Variants in NGDN observed in about 807,000 individuals in gnomAD.
NGDN encodes the protein neuroguidin, also known as EIF4E-binding protein.
A neutral mutation model predicts 45.2 loss-of-function variants in NGDN; 41 were observed. That is an observed-to-expected ratio of 0.91 (90% CI 0.71 to 1.18). The LOEUF (loss-of-function observed/expected upper bound fraction) is 1.18, where lower values mean the gene tolerates loss of function less well. Ranked by LOEUF, NGDN falls within the 50% of genes most tolerant of loss-of-function variation. The pLI is 0.00. For missense variants in NGDN, 402 were observed against 399.9 expected, an observed-to-expected ratio of 1.01 and a Z score of -0.05; for synonymous variants, 137 against 130.9, an observed-to-expected ratio of 1.05 and a Z score of -0.32.
chr14:23,475,954 T>A, intron 6 of NGDN, 75 bp from the exon 7 acceptor site: 2 of 1,577,660 alleles, frequency 1.3e-6, no homozygotes, highest in Non-Finnish European at 1.7e-6. Context: ...CACCCCAGGG[T>A]ACTCCAGCTT....
chr14:23,473,990 A>G (rs1167604331), intron 3 of NGDN, among the ~76,000 whole-genome samples: 1 of 149,892 alleles, frequency 6.7e-6, no homozygotes, highest in East Asian at 2.0e-4. Flanking sequence ...GTGAGCCGAG[A>G]CAGTGCCACT....
At chr14:23,477,102 C>T in intron 8 of NGDN, 98 bp from the exon 9 acceptor site, 1 of 1,149,774 alleles carries the variant, frequency 8.7e-7, no homozygotes, top group Non-Finnish European at 1.3e-6. Flanking sequence ...TTGAGAACTC[C>T]CTGAACAAGA....
chr14:23,475,578 C>G lies in NGDN; in HGVS notation c.303C>G (p.Pro101=), dbSNP rs1893879446. Residue 101 remains proline, a synonymous_variant, in exon 5 of 11, where the codon CCC becomes CCG. Transcript: ENST00000408901. ...EIRTVLEKLR[P]LDQKLKYQID... is the part of the protein sequence containing the mutation. ...TGTAGGTTTTGGAAAAGCTTCGTCC[C>G]TTGGACCAAAAGCTGAAGTATCAAA... is the stretch of plus-strand genomic sequence containing the variant. The G allele has an allele frequency of 6.2e-7, 1 of 1,614,094 alleles. No homozygotes were observed. Among genetic ancestry groups the G allele is most frequent in the East Asian group, 2.2e-5 (1 of 44,884 alleles).
In NGDN at chr14:23,477,314, T is replaced by C. The variant is rs769458305; in HGVS notation, c.828T>C (p.Ser276=). 88 of 1,614,092 alleles carry C rather than the reference T, an allele frequency of 5.5e-5. No homozygotes were observed. In the Admixed American group the frequency reaches 1.5e-3, roughly 27 times the overall value. ...SSQLHSLTHF[S]DISALTGGTV... The stretch of plus-strand genomic sequence containing the variant: ...AACTTCATTCCCTTACACACTTCAG[T>C]GACATCAGTGCTTTGACAGGGGGAA... The change falls in exon 9 of 11, where the codon AGT becomes AGC. Residue 276 remains serine, a synonymous_variant. Transcript: ENST00000408901.
chr14:23,478,416 A>G (rs1452505310), downstream of NGDN: 1 of 211,520 alleles, frequency 4.7e-6, no homozygotes. Context: ...ATGATTTGTT[A>G]TAATACAATA....
At chr14:23,477,776 A>G in intron 10 of NGDN, 1 of 1,455,876 alleles carries the variant, frequency 6.9e-7, no homozygotes, top group Non-Finnish European at 9.0e-7. Flanking sequence ...CTAAGGTCCC[A>G]CAGCTCCTGT....
intron 2 of NGDN, 161 bp downstream of exon 2, chr14:23,470,262 A>G: frequency 8.1e-6 from 5 of 619,238 alleles, no homozygotes; most frequent in Non-Finnish European, 1.4e-5. Context: ...TAAGTAATTG[A>G]TTCTGCACCC....
rs147692634 is a variant in NGDN at position 23,475,258 on chromosome 14, G to T, written c.232G>T (p.Gly78Ter). The stretch of plus-strand genomic sequence containing the variant: ...CCTCATTCTGGACAAAGCCTCAGGA[G>T]GATCTCTTCAGGGACATGATGCAGT... The part of the protein sequence containing the change: ...THLILDKASG[G>*]SLQGHDAVLR... The change falls in exon 4 of 11, where the codon GGA becomes TGA. Residue 78 changes from glycine (G) to a stop codon, truncating the protein, a stop_gained. Coordinates refer to ENST00000408901, the MANE Select transcript of NGDN (RefSeq NM_001042635.2). LOFTEE classifies it high-confidence loss of function. 720 of 1,613,938 alleles carry T rather than the reference G, an allele frequency of 4.5e-4. No homozygotes were observed. The highest frequency in any genetic ancestry group is 5.9e-4 in the Non-Finnish European group (692 of 1,179,936).
chr14:23,470,178 G>A, intron 2 of NGDN, 77 bp downstream of exon 2: 1 of 1,267,350 alleles, frequency 7.9e-7, no homozygotes, highest in Non-Finnish European at 1.2e-6. Flanking sequence ...AAACTTTGGT[G>A]ATTGAGATAC....
intron 3 of NGDN, among the ~76,000 whole-genome samples, chr14:23,474,097 ACTACCAAACAC>A (rs1368068714): frequency 6.6e-6 from 1 of 151,776 alleles, no homozygotes; most frequent in East Asian, 1.9e-4. Context: ...TCAATATTTG[ACTACCAAACAC>A]CTAATTCAGA....
chr14:23,475,523 A>G, intron 4 of NGDN, 35 bp from the exon 5 acceptor site: 3 of 1,601,970 alleles, frequency 1.9e-6, no homozygotes, highest in Non-Finnish European at 2.6e-6. Flanking sequence ...CATTTTGGGA[A>G]GGAAATATAA....
intron 3 of NGDN, among the ~76,000 whole-genome samples, chr14:23,474,709 G>A (rs7154379): frequency 0.66 from 100,197 of 152,090 alleles, 34,655 homozygotes; most frequent in Non-Finnish European, 0.77. Flanking sequence ...TGTATGGGGG[G>A]AAATTGGTAA....
rs771712623 is a variant in NGDN, at chr14:23,475,979, A to C, written c.421-50A>C. Reference sequence around the variant, plus strand: ...TACTCCAGCTTTGGGTTTTCTTCTCACTTATCTCATGAATGCTTCCTAAAT... The same window carrying C: ...TACTCCAGCTTTGGGTTTTCTTCTCCCTTATCTCATGAATGCTTCCTAAAT... On this transcript the variant is annotated intron_variant, in intron 6 of 10. Coordinates refer to ENST00000408901, the MANE Select transcript of NGDN (RefSeq NM_001042635.2). 3 of 1,612,072 alleles carry C rather than the reference A, an allele frequency of 1.9e-6. No individual in the cohort carries two copies. In the African/African-American group the frequency reaches 4.0e-5, roughly 22 times the overall value.
chr14:23,475,115 A>G, intron 3 of NGDN, 56 bp from the exon 4 acceptor site: 1 of 1,564,278 alleles, frequency 6.4e-7, no homozygotes, highest in African/African-American at 1.4e-5. Flanking sequence ...CTAGGCTTTC[A>G]TCTGGTTCTT....
At chr14:23,476,008 C>T (rs1329827444) in intron 6 of NGDN, 21 bp from the exon 7 acceptor site, 2 of 1,613,952 alleles carry the variant, frequency 1.2e-6, no homozygotes, top group East Asian at 2.2e-5. Context: ...CCTAAATTTG[C>T]AGACATTGTT....
downstream of NGDN, chr14:23,478,818 A>AT (rs1893966535): frequency 1.3e-5 from 2 of 150,334 alleles, no homozygotes; most frequent in Non-Finnish European, 3.0e-5. Context: ...AAAAAAAAAA[A>AT]AAAAAAAATG....
rs768083698 is a variant in NGDN at position 23,469,739 on chromosome 14, G to A, written c.12+12G>A. The A allele has an allele frequency of 1.2e-6, 2 of 1,614,204 alleles. No individual in the cohort carries two copies. Among genetic ancestry groups the A allele is most frequent in the South Asian group, 2.2e-5 (2 of 91,082 alleles). On this transcript the variant is annotated intron_variant, in intron 1 of 10. Transcript: ENST00000408901. ...AGATGGCGGCGCTGGTGAGTTTGGTGTGGTTTCTTCCTCGCGTAGCTATTG... is the reference window on the plus strand; with the variant it reads ...AGATGGCGGCGCTGGTGAGTTTGGTATGGTTTCTTCCTCGCGTAGCTATTG...
chr14:23,471,180 T>C (rs1893769791), intron 3 of NGDN: 2 of 399,910 alleles, frequency 5.0e-6, no homozygotes, highest in Non-Finnish European at 8.8e-6. Flanking sequence ...TACAGAGTTA[T>C]GAGTCTCCAG....
intron 3 of NGDN, among the ~76,000 whole-genome samples, chr14:23,473,216 C>T (rs770234125): frequency 2.6e-5 from 4 of 151,748 alleles, no homozygotes; most frequent in Non-Finnish European, 4.4e-5. Context: ...CCAGGCTGGT[C>T]TCGAACTCCT....
Sources: gnomAD v4.1 joint callset for allele counts (sites outside exome capture counted in the v4.1 genomes callset) on GRCh38, gnomAD v4.1.1 for gene constraint, MANE v1.5 for transcripts, NCBI Gene and HGNC (gene_info 2026-07-23, HGNC 2026-07-21) for gene names.